The following LIMCH1 variants were observed in gnomAD, a reference collection of about 807,000 sequenced individuals.
LIMCH1 encodes LIM and calponin homology domains-containing protein 1.
Under a neutral mutation model 176.5 loss-of-function variants are expected in LIMCH1, and 113 were observed. The observed-to-expected ratio is 0.64, with a 90% CI of 0.55 to 0.75. The LOEUF is 0.75. Among genes scored for constraint, LIMCH1 ranks in the 30% least tolerant of loss-of-function variants. The probability of loss-of-function intolerance (pLI) is 0.00; values close to 1 mark genes in which losing one functional copy is unlikely to be tolerated. For synonymous variants in LIMCH1, 619 were observed against 645.9 expected (o/e 0.96, Z 0.63); for missense variants, 1,674 against 1,814.9 (o/e 0.92, Z 1.41).
chr4:41,479,512 A>T (rs1262100524), intron 1 of LIMCH1, among the ~76,000 whole-genome samples: 1 of 152,178 alleles, frequency 6.6e-6, no homozygotes, highest in Non-Finnish European at 1.5e-5. Context: ...TCAGCCTTTC[A>T]AAATGCTGGG....
At chr4:41,463,724 C>T (rs1281693602) in intron 1 of LIMCH1, among the ~76,000 whole-genome samples, 2 of 151,924 alleles carry the variant, frequency 1.3e-5, no homozygotes, top group African/African-American at 2.4e-5. Flanking sequence ...ACTACAGGTG[C>T]GCGCTACCAT....
At chr4:41,462,670 A>C (rs2065541817) in intron 1 of LIMCH1, among the ~76,000 whole-genome samples, 1 of 152,228 alleles carries the variant, frequency 6.6e-6, no homozygotes. Context: ...TGAAAAGAGC[A>C]CAAGTTTTAT....
intron 2 of LIMCH1, among the ~76,000 whole-genome samples, chr4:41,515,399 T>C (rs1395480102): frequency 2.6e-5 from 4 of 152,242 alleles, no homozygotes; most frequent in Non-Finnish European, 5.9e-5. Flanking sequence ...TGCTGTTCTT[T>C]CATTGCTTCT....
chr4:41,618,028 G>T (rs1289496860), intron 5 of LIMCH1, among the ~76,000 whole-genome samples: 2 of 152,140 alleles, frequency 1.3e-5, no homozygotes, highest in African/African-American at 2.4e-5. Flanking sequence ...AAGTCTCATG[G>T]CTAATGAGCA....
chr4:41,684,350 C>T lies in LIMCH1; in HGVS notation c.3846-47C>T. 6 of 1,578,002 alleles carry T rather than the reference C, an allele frequency of 3.8e-6. No individual in the cohort carries two copies. The South Asian group carries it at 5.9e-5, about 16-fold the overall frequency. On this transcript the variant is annotated intron_variant, in intron 26 of 31. Coordinates refer to ENST00000503057, the MANE Select transcript of LIMCH1 (RefSeq NM_001330672.2). ...AGTTATAGGACCAAGAAGTTCGATT[C>T]AGTTACTTTTCTCTCTGCTCTGAAG...
intron 1 of LIMCH1, among the ~76,000 whole-genome samples, chr4:41,466,712 T>A (rs1195237840): frequency 3.3e-5 from 5 of 152,240 alleles, no homozygotes; most frequent in Non-Finnish European, 1.5e-5. Flanking sequence ...GAATATACCT[T>A]CTTTTACTAT....
intron 18 of LIMCH1, 132 bp downstream of exon 18, chr4:41,650,740 T>C: frequency 1.3e-6 from 1 of 750,136 alleles, no homozygotes; most frequent in Non-Finnish European, 2.1e-6. Flanking sequence ...AGGGCTGCTG[T>C]AAGTACCACA....
At chr4:41,608,233 G>A (rs755231137) in intron 4 of LIMCH1, among the ~76,000 whole-genome samples, 1 of 152,170 alleles carries the variant, frequency 6.6e-6, no homozygotes, top group Non-Finnish European at 1.5e-5. Flanking sequence ...CCAAGAAAAG[G>A]GAGGAATGGC....
chr4:41,360,136 C>G (rs2051802698), upstream of LIMCH1, among the ~76,000 whole-genome samples: 1 of 151,998 alleles, frequency 6.6e-6, no homozygotes, highest in Non-Finnish European at 1.5e-5. The surrounding 1 kb of genome is among the most constrained non-coding windows in gnomAD (Gnocchi z 4.5). Flanking sequence ...TTGACTGCAT[C>G]GACAGACTAG....
intron 1 of LIMCH1, among the ~76,000 whole-genome samples, chr4:41,412,530 A>G (rs2059586306): frequency 6.6e-6 from 1 of 152,226 alleles, no homozygotes; most frequent in Non-Finnish European, 1.5e-5. Context: ...TATTTAGGGC[A>G]GTATTTAAAA....
intron 18 of LIMCH1, among the ~76,000 whole-genome samples, chr4:41,657,374 A>G (rs538407181): frequency 1.3e-5 from 2 of 152,340 alleles, no homozygotes; most frequent in South Asian, 4.1e-4. Context: ...TTTCCTTCGA[A>G]GTAATGATGT....
intron 2 of LIMCH1, among the ~76,000 whole-genome samples, chr4:41,506,405 A>G (rs1055755353): frequency 2.0e-5 from 3 of 152,182 alleles, no homozygotes; most frequent in Non-Finnish European, 2.9e-5. Flanking sequence ...GTGTGGAGAC[A>G]TTTTATCACA....
chr4:41,440,688 G>A lies in LIMCH1; in HGVS notation c.97-53848G>A, dbSNP rs371555097. ...ACCAGGACTACAGGTGCACACCACCGCGCCCGGCTAATTTTTGTATTTTTA... is the reference window on the plus strand; with the variant it reads ...ACCAGGACTACAGGTGCACACCACCACGCCCGGCTAATTTTTGTATTTTTA... On this transcript the variant is annotated intron_variant, in intron 1 of 26. Coordinates refer to the LIMCH1 transcript ENST00000313860. Among the ~76,000 whole-genome samples the A allele has an allele frequency of 5.9e-5, 9 of 152,028 alleles. 1 individual carries two copies. The highest frequency in any genetic ancestry group is 1.9e-4 in the East Asian group (1 of 5,160).
chr4:41,642,528 G>A (rs1562045575), intron 14 of LIMCH1, among the ~76,000 whole-genome samples: 1 of 151,724 alleles, frequency 6.6e-6, no homozygotes, highest in Non-Finnish European at 1.5e-5. Flanking sequence ...GAGGACTACA[G>A]TTTCTTTCTT....
At chr4:41,378,987 A>G (rs993619311) in intron 1 of LIMCH1, among the ~76,000 whole-genome samples, 2 of 152,176 alleles carry the variant, frequency 1.3e-5, no homozygotes, top group African/African-American at 4.8e-5. Flanking sequence ...TAGAAGGGAC[A>G]CTTTAGATAC....
At chr4:41,376,031 C>T (rs2054715290) in intron 1 of LIMCH1, among the ~76,000 whole-genome samples, 1 of 152,136 alleles carries the variant, frequency 6.6e-6, no homozygotes, top group South Asian at 2.1e-4. Context: ...GAGATTAGAA[C>T]ATTTGCCCTT....
At chr4:41,433,710 A>G (rs1420622394) in intron 1 of LIMCH1, among the ~76,000 whole-genome samples, 5 of 151,648 alleles carry the variant, frequency 3.3e-5, no homozygotes, top group Admixed American at 2.6e-4. Context: ...TAAATTATAA[A>G]GCTGTCAGTC....
chr4:41,460,635 A>G (rs73232198), intron 1 of LIMCH1, among the ~76,000 whole-genome samples: 16,421 of 151,868 alleles, frequency 0.11, 984 homozygotes, highest in African/African-American at 0.15. Context: ...AATATAAATA[A>G]TTTTTAAAGG....
intron 1 of LIMCH1, among the ~76,000 whole-genome samples, chr4:41,565,342 C>T (rs536250749): frequency 3.0e-5 from 4 of 135,510 alleles, no homozygotes; most frequent in Non-Finnish European, 4.7e-5. Context: ...TTAGCTATTT[C>T]GGATACACAC....
Sources: allele counts gnomAD v4.1 joint callset (sites outside exome capture counted in the v4.1 genomes callset), GRCh38; gene constraint gnomAD v4.1.1; non-coding constraint Gnocchi (gnomAD v3.1); transcripts MANE v1.5; gene names NCBI Gene and HGNC (gene_info 2026-07-23, HGNC 2026-07-21).